The following ASIC2 variants were observed in gnomAD, a reference collection of about 807,000 sequenced individuals.
ASIC2 encodes acid-sensing ion channel 2.
A neutral mutation model predicts 57.3 loss-of-function variants in ASIC2; 25 were observed. That is an observed-to-expected ratio of 0.44 (90% confidence interval 0.32 to 0.61). The LOEUF is 0.61. Among genes scored for constraint, ASIC2 ranks in the 20% least tolerant of loss-of-function variants. ASIC2 has a pLI of 0.06. For synonymous variants in ASIC2, 319 were observed against 307.5 expected, an observed-to-expected ratio of 1.04 and a Z score of -0.39; for missense variants, 641 against 738.1, an observed-to-expected ratio of 0.87 and a Z score of 1.52.
chr17:33,938,138 T>C (rs369730280), intron 1 of ASIC2, among the ~76,000 whole-genome samples: 3 of 152,306 alleles, frequency 2.0e-5, no homozygotes, highest in Middle Eastern at 6.8e-3. Context: ...CTTCCTTTAC[T>C]GAATCTTATA....
intron 2 of ASIC2, among the ~76,000 whole-genome samples, chr17:33,092,680 GA>G (rs929095472): frequency 1.3e-5 from 2 of 152,264 alleles, no homozygotes; most frequent in African/African-American, 4.8e-5. Flanking sequence ...GCAGGGGCTA[GA>G]AGCCAGGTCT....
At chr17:34,048,827 A>C (rs139553120) in intron 1 of ASIC2, among the ~76,000 whole-genome samples, 316 of 152,352 alleles carry the variant, frequency 2.1e-3, no homozygotes, top group African/African-American at 7.4e-3. Context: ...CCAGCAACAT[A>C]GTGAACACCA....
intron 1 of ASIC2, among the ~76,000 whole-genome samples, chr17:34,127,004 G>C (rs746419223): frequency 2.0e-5 from 3 of 152,126 alleles, no homozygotes; most frequent in Non-Finnish European, 4.4e-5. Flanking sequence ...CCCTTGAAGA[G>C]TGTCTAAGAA....
intron 1 of ASIC2, among the ~76,000 whole-genome samples, chr17:33,947,891 G>A (rs1904434688): frequency 6.6e-6 from 1 of 152,136 alleles, no homozygotes; most frequent in Non-Finnish European, 1.5e-5. Flanking sequence ...CTTTAAACAT[G>A]AATTAAGATT....
At chr17:33,606,162 C>T (rs1035558731) in intron 1 of ASIC2, among the ~76,000 whole-genome samples, 6 of 152,178 alleles carry the variant, frequency 3.9e-5, no homozygotes, top group Non-Finnish European at 8.8e-5. Context: ...CATCAGACAG[C>T]GGACCCAGGG....
intron 1 of ASIC2, among the ~76,000 whole-genome samples, chr17:33,176,960 G>A (rs1219429178): frequency 1.3e-5 from 2 of 152,190 alleles, no homozygotes; most frequent in African/African-American, 4.8e-5. Context: ...ACCTGCACCC[G>A]TGTATCTGAC....
At chr17:33,762,427 C>A (rs141113963) in intron 1 of ASIC2, among the ~76,000 whole-genome samples, 1 of 152,276 alleles carries the variant, frequency 6.6e-6, no homozygotes, top group Non-Finnish European at 1.5e-5. Flanking sequence ...TGTGCAGCAA[C>A]TCACTTTTAT....
At chr17:33,900,118 A>G (rs1052375663) in intron 1 of ASIC2, among the ~76,000 whole-genome samples, 5 of 152,216 alleles carry the variant, frequency 3.3e-5, no homozygotes, top group African/African-American at 1.2e-4. Context: ...AGTAGACACT[A>G]AGCAAAATTA....
intron 1 of ASIC2, among the ~76,000 whole-genome samples, chr17:34,115,583 C>T (rs1278200795): frequency 6.6e-6 from 1 of 152,180 alleles, no homozygotes; most frequent in Non-Finnish European, 1.5e-5. Context: ...CATTTGTTAA[C>T]ACTCCTTCTC....
At chr17:33,170,908 C>T (rs1034829485) in intron 1 of ASIC2, among the ~76,000 whole-genome samples, 11 of 152,202 alleles carry the variant, frequency 7.2e-5, no homozygotes, top group African/African-American at 2.4e-4. Context: ...GGAATTTGTT[C>T]TTGTTGAACC....
chr17:33,567,866 T>G (rs1916291776), intron 1 of ASIC2, among the ~76,000 whole-genome samples: 1 of 152,052 alleles, frequency 6.6e-6, no homozygotes. Flanking sequence ...ATTTTTTTTT[T>G]GGTCTCTCTC....
At chr17:33,441,821 A>G (rs1378488976) in intron 1 of ASIC2, among the ~76,000 whole-genome samples, 1 of 152,158 alleles carries the variant, frequency 6.6e-6, no homozygotes, top group Non-Finnish European at 1.5e-5. Context: ...CTTTTCATCA[A>G]TCTTATGCAT....
intron 1 of ASIC2, among the ~76,000 whole-genome samples, chr17:33,700,341 T>C (rs1302282348): frequency 6.6e-6 from 1 of 152,244 alleles, no homozygotes; most frequent in African/African-American, 2.4e-5. Context: ...ATTTGGTATT[T>C]ACCTTTATTA....
chr17:33,708,562 C>T (rs1407465096), intron 1 of ASIC2, among the ~76,000 whole-genome samples: 2 of 152,158 alleles, frequency 1.3e-5, no homozygotes, highest in African/African-American at 4.8e-5. Flanking sequence ...GCCAAGATCT[C>T]CTCCTCTGAA....
chr17:33,508,129 C>A (rs570665072), intron 1 of ASIC2, among the ~76,000 whole-genome samples: 30 of 152,060 alleles, frequency 2.0e-4, no homozygotes, highest in African/African-American at 6.8e-4. Flanking sequence ...CTCCCCTCCC[C>A]GCTTCCTCCT....
At chr17:33,970,264 G>C (rs11656324) in intron 1 of ASIC2, among the ~76,000 whole-genome samples, 35,470 of 152,118 alleles carry the variant, frequency 0.23, 4,328 homozygotes, top group Non-Finnish European at 0.27. Context: ...GTTGCCCCCA[G>C]GTGAGAACCA....
intron 1 of ASIC2, among the ~76,000 whole-genome samples, chr17:34,107,878 G>A (rs1389209456): frequency 2.0e-5 from 3 of 152,118 alleles, no homozygotes; most frequent in East Asian, 3.9e-4. Flanking sequence ...GCATGCATCC[G>A]AAAGTCAAAT....
At chr17:33,071,479 T>C (rs1477819792) in intron 3 of ASIC2, among the ~76,000 whole-genome samples, 1 of 152,228 alleles carries the variant, frequency 6.6e-6, no homozygotes, top group Admixed American at 6.5e-5. Context: ...TTATGAGATT[T>C]AGCTATAAAT....
chr17:34,041,203 T>C (rs969109394), intron 1 of ASIC2: 2 of 152,244 alleles, frequency 1.3e-5, no homozygotes, highest in Non-Finnish European at 2.9e-5. Context: ...AGAGTTGAAC[T>C]TGGGCAAAAG....
Sources: gnomAD v4.1 joint callset for allele counts (sites outside exome capture counted in the v4.1 genomes callset) on GRCh38, gnomAD v4.1.1 for gene constraint, MANE v1.5 for transcripts, NCBI Gene and HGNC (gene_info 2026-07-23, HGNC 2026-07-21) for gene names.